Variants in SESN3 observed in about 807,000 individuals in gnomAD.
SESN3 encodes the protein sestrin-3.
A neutral mutation model predicts 55.3 loss-of-function variants in SESN3; 21 were observed. That is an observed-to-expected ratio of 0.38 (90% CI 0.27 to 0.55). The LOEUF is 0.55. Ranked by LOEUF, SESN3 falls within the 20% of genes least tolerant of loss-of-function variation. The probability of loss-of-function intolerance (pLI) is 0.76; values close to 1 mark genes in which losing one functional copy is unlikely to be tolerated. For missense variants in SESN3, 408 were observed against 604.3 expected (o/e 0.68, Z 3.41); for synonymous variants, 181 against 203.1 (o/e 0.89, Z 0.93).
rs1263268588 is a variant in SESN3 at position 95,169,482 on chromosome 11, G to C, written c.*3773C>G. 6.6e-6 allele frequency: 1 copy of C among 152,188 alleles called. No homozygotes were observed. The highest frequency in any genetic ancestry group is 2.4e-5 in the African/African-American group (1 of 41,444). The allele number at this position is 152,188 out of a possible 1,614,324, so 9.4% of individuals were successfully genotyped here. A position where few individuals can be genotyped will look rare whatever the true frequency, so the allele number is the denominator to read the frequency against. On this transcript the variant is annotated 3_prime_UTR_variant, in exon 10 of 10. Coordinates refer to ENST00000536441, the MANE Select transcript of SESN3 (RefSeq NM_144665.4). ...GTTAAGACCATCTCTTTGCATAAAA[G>C]CAGTTCTATTAAAGAGAAGAATTTA...
intron 1 of SESN3, among the ~76,000 whole-genome samples, chr11:95,194,333 C>T (rs1028353571): frequency 1.3e-5 from 2 of 152,006 alleles, no homozygotes; most frequent in African/African-American, 4.8e-5. Context: ...CTATCAAACA[C>T]AAAATAGTTA....
chr11:95,201,816 T>G (rs1360632720), intron 1 of SESN3, among the ~76,000 whole-genome samples: 1 of 152,108 alleles, frequency 6.6e-6, no homozygotes, highest in African/African-American at 2.4e-5. Flanking sequence ...CCACTTTCCA[T>G]GTAATGCCAC....
intron 2 of SESN3, 22 bp from the exon 3 acceptor site, chr11:95,191,623 A>G (rs772152402): frequency 6.9e-6 from 11 of 1,594,588 alleles, no homozygotes; most frequent in Non-Finnish European, 8.6e-6. Flanking sequence ...AAAAAACAAA[A>G]CAAAATGACT....
chr11:95,213,361 GA>G (rs560146224), intron 1 of SESN3, among the ~76,000 whole-genome samples: 155 of 152,216 alleles, frequency 1.0e-3, no homozygotes, highest in African/African-American at 3.4e-3. Flanking sequence ...CCTATACTGA[GA>G]TAAGATTTAG....
chr11:95,182,412 A>G (rs568248204), intron 6 of SESN3, among the ~76,000 whole-genome samples: 30 of 152,138 alleles, frequency 2.0e-4, no homozygotes, highest in Non-Finnish European at 3.5e-4. Flanking sequence ...ATATGCTGAT[A>G]ACTTCTAAAA....
intron 1 of SESN3, among the ~76,000 whole-genome samples, chr11:95,218,949 G>A (rs1453583173): frequency 1.3e-5 from 2 of 152,184 alleles, no homozygotes; most frequent in Non-Finnish European, 2.9e-5. Context: ...GCCGCACCCG[G>A]CCATATTTAC....
intron 4 of SESN3, among the ~76,000 whole-genome samples, chr11:95,188,217 T>C (rs1020599884): frequency 6.6e-5 from 10 of 151,862 alleles, no homozygotes; most frequent in Admixed American, 4.6e-4. Context: ...AATGTAACAA[T>C]TGGGAAAGGT....
At chr11:95,213,148 T>TAA (rs55801322) in intron 1 of SESN3, among the ~76,000 whole-genome samples, 23 of 151,158 alleles carry the variant, frequency 1.5e-4, no homozygotes, top group Admixed American at 5.9e-4. Flanking sequence ...TCCTAAAAAA[T>TAA]AAAAAAAAAC....
intron 4 of SESN3, among the ~76,000 whole-genome samples, chr11:95,188,449 C>T (rs1860207060): frequency 6.6e-6 from 1 of 151,616 alleles, no homozygotes; most frequent in Admixed American, 6.6e-5. Context: ...ACCCTGAAGA[C>T]CACAACTTTC....
Position 95,173,207 on chromosome 11 carries a change from T to G in SESN3, c.*48A>C. Reference sequence around the variant, plus strand: ...TCACAAATAGCTTCAATGTTTATCTTATGTGAAAGGTCTTTACACATGTAT... The same window carrying G: ...TCACAAATAGCTTCAATGTTTATCTGATGTGAAAGGTCTTTACACATGTAT... On this transcript the variant is annotated 3_prime_UTR_variant, in exon 10 of 10. Transcript: ENST00000536441. 1 of 1,081,578 alleles carries G rather than the reference T, an allele frequency of 9.2e-7. No homozygotes were observed. 67.0% of individuals were successfully genotyped at this position (1,081,578 alleles called of 1,614,324 possible). A position where few individuals can be genotyped will look rare whatever the true frequency, so the allele number is the denominator to read the frequency against.
intron 3 of SESN3, 59 bp downstream of exon 3, chr11:95,191,345 G>GAAGGGA: frequency 7.7e-7 from 1 of 1,306,818 alleles, no homozygotes; most frequent in Middle Eastern, 1.8e-4. Flanking sequence ...GCCTATTTTG[G>GAAGGGA]AAGGGAGAAA....
chr11:95,214,314 T>C (rs938682679), intron 1 of SESN3, among the ~76,000 whole-genome samples: 8 of 152,224 alleles, frequency 5.3e-5, no homozygotes, highest in South Asian at 2.1e-4. Context: ...ACAGGTTAAA[T>C]TGTAGTATTA....
Position 95,230,766 on chromosome 11 carries a change from C to T in SESN3, c.78+17G>A, listed in dbSNP as rs1020048803. ...GGAAGCGACCCTCGCCGGCAGGACC[C>T]CGGGCCGAACCCGTACCTTCCGCAG... On this transcript the variant is annotated intron_variant, in intron 1 of 9. Coordinates refer to ENST00000536441, the MANE Select transcript of SESN3 (RefSeq NM_144665.4). This position sits in a 1 kb window ranked among gnomAD's most constrained non-coding sequence, Gnocchi z 4.6. 1 of 1,601,438 alleles carries T rather than the reference C, an allele frequency of 6.2e-7. No individual in the cohort carries two copies. Among genetic ancestry groups the T allele is most frequent in the Non-Finnish European group, 8.5e-7 (1 of 1,174,304 alleles).
At chr11:95,227,531 G>A (rs986215068) in intron 1 of SESN3, among the ~76,000 whole-genome samples, 1 of 151,986 alleles carries the variant, frequency 6.6e-6, no homozygotes, top group African/African-American at 2.4e-5. Flanking sequence ...CATTTTGACA[G>A]TATCTTTGTT....
chr11:95,217,104 T>C lies in SESN3; in HGVS notation c.78+13679A>G, dbSNP rs1468544339. 2.9e-5 allele frequency among the ~76,000 whole-genome samples: 4 copies of C among 137,714 alleles called. No individual in the cohort carries two copies. The East Asian group carries it at 8.2e-4, about 28-fold the overall frequency. The allele number at this position is 137,714 out of a possible 152,430, so 90.3% of individuals were successfully genotyped here. A position where few individuals can be genotyped will look rare whatever the true frequency, so the allele number is the denominator to read the frequency against. ...CTGGACAACAGAGCAAGACTCTGTC[T>C]CAAAAAAAAAAAAAAAAGTAAAATA... On this transcript the variant is annotated intron_variant, in intron 1 of 9. Transcript: ENST00000536441.
At position 95,168,132 on chromosome 11, in the gene SESN3, T is replaced by A. The variant is rs1379397240; in HGVS notation, c.*5123A>T. 1 of 152,198 alleles carries A rather than the reference T, an allele frequency of 6.6e-6. No individual in the cohort carries two copies. The highest frequency in any genetic ancestry group is 1.5e-5 in the Non-Finnish European group (1 of 68,026). The allele number at this position is 152,198 out of a possible 1,614,324, so 9.4% of individuals were successfully genotyped here. A position where few individuals can be genotyped will look rare whatever the true frequency, so the allele number is the denominator to read the frequency against. On this transcript the variant is annotated 3_prime_UTR_variant, in exon 10 of 10. Transcript: ENST00000536441. ...CCATCTAAATACCCTTTGCCATATG[T>A]CATTCTATTAGAAATGTGTTTCAAG...
In SESN3 at chr11:95,169,038, G is replaced by A. The variant is rs1334967033; in HGVS notation, c.*4217C>T. 1.3e-5 allele frequency: 2 copies of A among 152,116 alleles called. No individual in the cohort carries two copies. The highest frequency in any genetic ancestry group is 2.9e-5 in the Non-Finnish European group (2 of 68,046). The allele number at this position is 152,116 out of a possible 1,614,324, so 9.4% of individuals were successfully genotyped here. ...TTTGAAAACTCTTCCTTCCTCATAG[G>A]GCTCTGCCTTGACATATACCTCTAC... On this transcript the variant is annotated 3_prime_UTR_variant, in exon 10 of 10. Coordinates refer to ENST00000536441, the MANE Select transcript of SESN3 (RefSeq NM_144665.4).
At chr11:95,222,221 C>T (rs2134268205) in intron 1 of SESN3, among the ~76,000 whole-genome samples, 1 of 152,270 alleles carries the variant, frequency 6.6e-6, no homozygotes, top group Admixed American at 6.5e-5. Context: ...AGGCTGGTGT[C>T]TTGACCCTGT....
chr11:95,214,191 T>C (rs1398432709), intron 1 of SESN3, among the ~76,000 whole-genome samples: 2 of 152,190 alleles, frequency 1.3e-5, no homozygotes, highest in Non-Finnish European at 2.9e-5. Flanking sequence ...TCACCTACCA[T>C]GGTTTAGAAT....
Sources: gnomAD v4.1 joint callset for allele counts (sites outside exome capture counted in the v4.1 genomes callset) on GRCh38, gnomAD v4.1.1 for gene constraint, Gnocchi (gnomAD v3.1) non-coding constraint, MANE v1.5 for transcripts, NCBI Gene and HGNC (gene_info 2026-07-23, HGNC 2026-07-21) for gene names.